Variants in CPA6 observed in about 807,000 individuals in gnomAD.
CPA6 encodes carboxypeptidase B.
CPA6 carries 58 observed loss-of-function variants against 63.3 expected under a neutral mutation model. That is an observed-to-expected ratio of 0.92 (90% confidence interval 0.74 to 1.14). The LOEUF (loss-of-function observed/expected upper bound fraction) is 1.14, where lower values mean the gene tolerates loss of function less well. Among genes scored for constraint, CPA6 ranks in the 50% most tolerant of loss-of-function variants. The pLI, the probability that CPA6 is intolerant of heterozygous loss-of-function variation, is 0.00. For missense variants in CPA6, 565 were observed against 526.6 expected (o/e 1.07, Z -0.71); for synonymous variants, 185 against 179.0 (o/e 1.03, Z -0.27).
chr8:67,744,338 A>C (rs1002248243), intron 1 of CPA6, among the ~76,000 whole-genome samples: 5 of 152,196 alleles, frequency 3.3e-5, no homozygotes, highest in Non-Finnish European at 7.3e-5. Flanking sequence ...AGAAAATAGC[A>C]ATTATTATGT....
At chr8:67,521,982 A>G (rs938519415) in intron 2 of CPA6, among the ~76,000 whole-genome samples, 4 of 152,104 alleles carry the variant, frequency 2.6e-5, no homozygotes, top group Non-Finnish European at 5.9e-5. Context: ...ATATTTAATA[A>G]TGTTAGTAGT....
At position 67,447,506 on chromosome 8, in the gene CPA6, TACACACACAC is replaced by T. The variant is rs56840320; in HGVS notation, c.839-13276_839-13267del. 1.0e-3 allele frequency among the ~76,000 whole-genome samples: 147 copies of T among 142,654 alleles called. 1 individual carries two copies. Among genetic ancestry groups the T allele is most frequent in the Middle Eastern group, 3.5e-3 (1 of 286 alleles). 93.6% of individuals were successfully genotyped at this position (142,654 alleles called of 152,430 possible). The stretch of plus-strand genomic sequence containing the variant: ...CTGGGCTGAAGGAGATATGTGTGTA[TACACACACAC>T]ACACACACACACACACACACACACA... On this transcript the variant is annotated intron_variant, in intron 8 of 10. Coordinates refer to ENST00000297770, the MANE Select transcript of CPA6 (RefSeq NM_020361.5).
rs141728104 is a variant in CPA6 at position 67,554,456 on chromosome 8, G to A, written c.193-36409C>T. 5.0e-3 allele frequency among the ~76,000 whole-genome samples: 761 copies of A among 152,228 alleles called. 5 individuals carry two copies. Among genetic ancestry groups the A allele is most frequent in the African/African-American group, 0.016 (655 of 41,528 alleles). On this transcript the variant is annotated intron_variant, in intron 2 of 10. Coordinates refer to ENST00000297770, the MANE Select transcript of CPA6 (RefSeq NM_020361.5). ...CAGCTAAACCATTCATGAGAAATCC[G>A]CCACCATGGTCCAGTCACCTCCTAC... is the stretch of plus-strand genomic sequence containing the variant.
At chr8:67,573,279 T>G (rs770355876) in intron 2 of CPA6, among the ~76,000 whole-genome samples, 15 of 152,180 alleles carry the variant, frequency 9.9e-5, no homozygotes, top group Non-Finnish European at 1.9e-4. Context: ...CCAGAGCACT[T>G]GGTCAAGAGA....
chr8:67,538,849 T>G (rs1812645674), intron 2 of CPA6, among the ~76,000 whole-genome samples: 1 of 152,018 alleles, frequency 6.6e-6, no homozygotes, highest in South Asian at 2.1e-4. Flanking sequence ...TTAGTAGAGA[T>G]ATGGTTTCAC....
chr8:67,645,062 T>C lies in CPA6; in HGVS notation c.117-20811A>G, dbSNP rs150109388. ...CTTTCCTCTATCCTATATATTACTGTAGTGCCTTGCTCTGAGGGTGAAAAA... is the reference window on the plus strand; with the variant it reads ...CTTTCCTCTATCCTATATATTACTGCAGTGCCTTGCTCTGAGGGTGAAAAA... On this transcript the variant is annotated intron_variant, in intron 1 of 10. Transcript: ENST00000297770. Among the ~76,000 whole-genome samples, 908 of 152,252 alleles carry C rather than the reference T, an allele frequency of 6.0e-3. 9 individuals are homozygous for C. The highest frequency in any genetic ancestry group is 0.02 in the African/African-American group (849 of 41,530).
In CPA6 at chr8:67,434,057, AT is replaced by A; in HGVS notation, c.1021del (p.Ile341PhefsTer15). On this transcript the variant is annotated frameshift_variant, in exon 9 of 11. Transcript: ENST00000297770. LOFTEE classifies it high-confidence loss of function. ...ACTTACCACACATCTAAAATTGGGA[AT>A]TGTTGCATATTTGTAAGAATAGGGA... The part of the protein sequence containing the change: ...LYPYSYKYAT[I>X]PNFRCVESAA... The A allele has an allele frequency of 6.2e-7, 1 of 1,612,472 alleles. No individual in the cohort carries two copies. Among genetic ancestry groups the A allele is most frequent in the Non-Finnish European group, 8.5e-7 (1 of 1,179,186 alleles).
chr8:67,508,608 T>A (rs1811980619), intron 5 of CPA6, among the ~76,000 whole-genome samples: 1 of 152,124 alleles, frequency 6.6e-6, no homozygotes, highest in Non-Finnish European at 1.5e-5. Context: ...GAGACCCAGA[T>A]GGTCAGAGAG....
intron 2 of CPA6, among the ~76,000 whole-genome samples, chr8:67,532,889 A>C (rs1435700523): frequency 1.3e-5 from 2 of 152,218 alleles, no homozygotes; most frequent in African/African-American, 4.8e-5. Context: ...GGCATTGATT[A>C]GAACAAGGCA....
intron 1 of CPA6, among the ~76,000 whole-genome samples, chr8:67,688,301 G>A (rs1415635449): frequency 6.6e-6 from 1 of 152,158 alleles, no homozygotes; most frequent in East Asian, 1.9e-4. Context: ...AATGACCAAG[G>A]GGACAGATGA....
chr8:67,484,576 A>T, intron 7 of CPA6, 103 bp downstream of exon 7: 1 of 563,396 alleles, frequency 1.8e-6, no homozygotes, highest in South Asian at 2.8e-5. Context: ...GGAATCACTC[A>T]GCTGATTGCC....
rs753787706 is a variant in CPA6, at chr8:67,494,461, T to A, written c.637-9672A>T. On this transcript the variant is annotated intron_variant, in intron 6 of 10. Transcript: ENST00000297770. ...AATTATTTGAGGAAAAAAACTGGAG[T>A]GCTATGCGTAACTCTGGGCCAGCAA... Among the ~76,000 whole-genome samples the A allele has an allele frequency of 2.6e-5, 4 of 152,084 alleles. No individual in the cohort carries two copies. In the East Asian group the frequency reaches 7.7e-4, roughly 29 times the overall value.
At chr8:67,733,485 T>G (rs2129003323) in intron 1 of CPA6, among the ~76,000 whole-genome samples, 1 of 152,088 alleles carries the variant, frequency 6.6e-6, no homozygotes, top group East Asian at 1.9e-4. Context: ...ACTTTATTCT[T>G]CTCATCTCCT....
intron 2 of CPA6, among the ~76,000 whole-genome samples, chr8:67,578,479 C>T (rs1363932024): frequency 2.6e-5 from 4 of 152,180 alleles, no homozygotes; most frequent in East Asian, 1.9e-4. Flanking sequence ...TATAGAGACA[C>T]GGTACCAGTG....
intron 2 of CPA6, among the ~76,000 whole-genome samples, chr8:67,563,054 T>C (rs1384820995): frequency 2.6e-5 from 4 of 152,004 alleles, no homozygotes; most frequent in Non-Finnish European, 5.9e-5. Flanking sequence ...ATCACTGTGA[T>C]GAGCATGGAG....
intron 2 of CPA6, among the ~76,000 whole-genome samples, chr8:67,562,690 G>A (rs912214657): frequency 6.6e-6 from 1 of 152,118 alleles, no homozygotes; most frequent in Non-Finnish European, 1.5e-5. Flanking sequence ...TGTAAAAGAG[G>A]CCCCAATGAG....
At chr8:67,723,210 A>G (rs1371163028) in intron 1 of CPA6, among the ~76,000 whole-genome samples, 6 of 152,238 alleles carry the variant, frequency 3.9e-5, no homozygotes, top group African/African-American at 1.2e-4. Flanking sequence ...AGAAAAATCA[A>G]CACATACAGT....
rs1208936702 is a variant in CPA6 at position 67,640,364 on chromosome 8, C to T, written c.117-16113G>A. Among the ~76,000 whole-genome samples, 9 of 151,594 alleles carry T rather than the reference C, an allele frequency of 5.9e-5. 1 individual carries two copies. Among genetic ancestry groups the T allele is most frequent in the Admixed American group, 3.9e-4 (6 of 15,264 alleles). The stretch of plus-strand genomic sequence containing the variant: ...GCCTCCCTCCAGTGCTTGTTGGTGC[C>T]CCAAATCCAGAGGGGGTCGAGGTGG... On this transcript the variant is annotated intron_variant, in intron 1 of 10. Coordinates refer to ENST00000297770, the MANE Select transcript of CPA6 (RefSeq NM_020361.5).
At chr8:67,670,970 C>T (rs1278620497) in intron 1 of CPA6, among the ~76,000 whole-genome samples, 2 of 152,230 alleles carry the variant, frequency 1.3e-5, no homozygotes, top group East Asian at 3.8e-4. Flanking sequence ...GACACAAACA[C>T]ATAAACTCAC....
Sources: allele counts gnomAD v4.1 joint callset (sites outside exome capture counted in the v4.1 genomes callset), GRCh38; gene constraint gnomAD v4.1.1; transcripts MANE v1.5; gene names NCBI Gene and HGNC (gene_info 2026-07-23, HGNC 2026-07-21).